The following RYR2 variants were observed in gnomAD, a reference collection of about 807,000 sequenced individuals.
RYR2 encodes the protein ryanodine receptor 2.
A neutral mutation model predicts 601.1 loss-of-function variants in RYR2; 227 were observed. That is an observed-to-expected ratio of 0.38 (90% CI 0.34 to 0.42). The LOEUF is 0.42. Ranked by LOEUF, RYR2 falls within the 10% of genes least tolerant of loss-of-function variation. The pLI is 1.00. For missense variants in RYR2, 4,646 were observed against 6,156.5 expected (o/e 0.75, Z 8.21); for synonymous variants, 2,223 against 2,175.1 (o/e 1.02, Z -0.61).
At chr1:237,384,357 T>G (rs1487728857) in intron 8 of RYR2, among the ~76,000 whole-genome samples, 2 of 152,248 alleles carry the variant, frequency 1.3e-5, no homozygotes, top group East Asian at 3.9e-4. Context: ...GGCGCCAGCC[T>G]TTGTCTGTGG....
In RYR2 at chr1:237,284,607, T is replaced by C. The variant is rs201840148; in HGVS notation, c.168+13991T>C. 8.1e-4 allele frequency among the ~76,000 whole-genome samples: 37 copies of C among 45,862 alleles called. 2 individuals are homozygous for C. The highest frequency in any genetic ancestry group is 6.9e-3 in the African/African-American group (26 of 3,786). The allele number at this position is 45,862 out of a possible 152,430, so 30.1% of individuals were successfully genotyped here. On this transcript the variant is annotated intron_variant, in intron 2 of 104. Coordinates refer to ENST00000366574, the MANE Select transcript of RYR2 (RefSeq NM_001035.3). ...ACCCACACACAGACCCACACACACATACACACCACAGTATGTAGTATATAT... is the reference window on the plus strand; with the variant it reads ...ACCCACACACAGACCCACACACACACACACACCACAGTATGTAGTATATAT...
chr1:237,692,257 G>C (rs1201477866), intron 63 of RYR2, among the ~76,000 whole-genome samples: 1 of 152,164 alleles, frequency 6.6e-6, no homozygotes, highest in East Asian at 1.9e-4. Context: ...AAGATGTGAG[G>C]ATAGGAAAAT....
chr1:237,820,807 G>A (rs576459972), intron 101 of RYR2, among the ~76,000 whole-genome samples: 1 of 150,934 alleles, frequency 6.6e-6, no homozygotes, highest in South Asian at 2.1e-4. Context: ...AGCGGTCTGA[G>A]GTTGACCTGG....
intron 5 of RYR2, 133 bp downstream of exon 5, chr1:237,364,505 C>A: frequency 2.5e-6 from 1 of 394,426 alleles, no homozygotes. Context: ...TACTATATAT[C>A]AGCTATATAT....
intron 1 of RYR2, among the ~76,000 whole-genome samples, chr1:237,136,000 T>A (rs1207425896): frequency 2.0e-5 from 3 of 152,184 alleles, no homozygotes; most frequent in Non-Finnish European, 4.4e-5. Context: ...CATTTCCCAC[T>A]GCTGTTGTGC....
chr1:237,606,666 C>A (rs1270358324), intron 35 of RYR2, among the ~76,000 whole-genome samples: 4 of 151,932 alleles, frequency 2.6e-5, no homozygotes, highest in Admixed American at 2.6e-4. Flanking sequence ...TGCATTTTTG[C>A]AATCTTCTCA....
At chr1:237,710,132 T>C (rs1260355971) in intron 70 of RYR2, among the ~76,000 whole-genome samples, 2 of 152,234 alleles carry the variant, frequency 1.3e-5, no homozygotes, top group Non-Finnish European at 2.9e-5. Context: ...AGTGGAACTA[T>C]GTATTTTTAA....
chr1:237,618,003 TG>T (rs1678662467), intron 38 of RYR2, among the ~76,000 whole-genome samples: 1 of 152,052 alleles, frequency 6.6e-6, no homozygotes, highest in African/African-American at 2.4e-5. Flanking sequence ...ATGGGCTAGT[TG>T]GGGGATGTAA....
chr1:237,165,658 G>A (rs1174857216), intron 1 of RYR2, among the ~76,000 whole-genome samples: 5 of 152,106 alleles, frequency 3.3e-5, no homozygotes, highest in Admixed American at 3.3e-4. Context: ...GAGACCAAGG[G>A]TTCCAGACCA....
intron 3 of RYR2, among the ~76,000 whole-genome samples, chr1:237,338,308 C>G (rs574799250): frequency 8.5e-5 from 13 of 152,268 alleles, no homozygotes; most frequent in African/African-American, 3.1e-4. Flanking sequence ...TATGTACATA[C>G]CAATTTATAG....
chr1:237,762,541 G>C (rs1352408048), intron 84 of RYR2, among the ~76,000 whole-genome samples: 1 of 152,132 alleles, frequency 6.6e-6, no homozygotes, highest in East Asian at 1.9e-4. Flanking sequence ...ATTCTTAGTC[G>C]CTGTTCATAT....
rs61663678 is a variant in RYR2, at chr1:237,154,907, A to G, written c.48+112338A>G. Among the ~76,000 whole-genome samples the G allele has an allele frequency of 3.1e-3, 475 of 152,244 alleles. 21 individuals carry two copies. The East Asian group carries it at 0.079, about 25-fold the overall frequency. ...TAGCAGGCCACCATTCTTGTCAGCA[A>G]TAAAGGTGAAGAATGCCCCATTACA... On this transcript the variant is annotated intron_variant, in intron 1 of 104. Coordinates refer to ENST00000366574, the MANE Select transcript of RYR2 (RefSeq NM_001035.3).
chr1:237,522,324 C>G (rs1427052091), intron 24 of RYR2, among the ~76,000 whole-genome samples: 1 of 152,166 alleles, frequency 6.6e-6, no homozygotes, highest in Non-Finnish European at 1.5e-5. Context: ...ACAAAGAAAT[C>G]TCATAATATT....
intron 3 of RYR2, among the ~76,000 whole-genome samples, chr1:237,333,224 T>A (rs1233379546): frequency 6.6e-6 from 1 of 152,236 alleles, no homozygotes; most frequent in East Asian, 1.9e-4. Context: ...ACACATTGCA[T>A]GAAGCTGAAA....
At position 237,669,842 on chromosome 1, in the gene RYR2, T is replaced by C. The variant is rs572521356; in HGVS notation, c.8590+1884T>C. 1.6e-3 allele frequency among the ~76,000 whole-genome samples: 204 copies of C among 130,496 alleles called. 1 individual carries two copies. Among genetic ancestry groups the C allele is most frequent in the South Asian group, 3.5e-3 (14 of 3,972 alleles). The allele number at this position is 130,496 out of a possible 152,430, so 85.6% of individuals were successfully genotyped here. A position where few individuals can be genotyped will look rare whatever the true frequency, so the allele number is the denominator to read the frequency against. On this transcript the variant is annotated intron_variant, in intron 58 of 104. Transcript: ENST00000366574. Reference sequence around the variant, plus strand: ...GCAGAGGGGCTCCTCACATCCCAGATGATGGGCGGCCAGGCAGAGACGCTC... The same window carrying C: ...GCAGAGGGGCTCCTCACATCCCAGACGATGGGCGGCCAGGCAGAGACGCTC...
chr1:237,733,622 A>T lies in RYR2; in HGVS notation c.11040-83A>T, dbSNP rs73101971. 283 of 856,666 alleles carry T rather than the reference A, an allele frequency of 3.3e-4. 1 individual carries two copies. The African/African-American group carries it at 4.3e-3, about 13-fold the overall frequency. 53.1% of individuals were successfully genotyped at this position (856,666 alleles called of 1,614,324 possible). A position where few individuals can be genotyped will look rare whatever the true frequency, so the allele number is the denominator to read the frequency against. On this transcript the variant is annotated intron_variant, in intron 78 of 104. Transcript: ENST00000366574. ...GGTATACTTGTTAGAAAAAGAACAA[A>T]GGTTATTTTAAGCAGCGATGATACG...
chr1:237,181,141 G>A (rs1047636736), intron 1 of RYR2, among the ~76,000 whole-genome samples: 4 of 151,968 alleles, frequency 2.6e-5, no homozygotes, highest in South Asian at 4.2e-4. Context: ...CTGCCACCAT[G>A]CCCTGCTAAT....
At chr1:237,325,088 C>T (rs890395682) in intron 2 of RYR2, among the ~76,000 whole-genome samples, 1 of 152,138 alleles carries the variant, frequency 6.6e-6, no homozygotes, top group Non-Finnish European at 1.5e-5. Context: ...ATTAGGGCTG[C>T]TGCTGGTGGT....
chr1:237,420,555 T>C (rs1266565808), intron 11 of RYR2, among the ~76,000 whole-genome samples: 3 of 152,148 alleles, frequency 2.0e-5, no homozygotes, highest in Non-Finnish European at 2.9e-5. Flanking sequence ...GGTCTGGGCA[T>C]GTGAGACCAG....
Sources: allele counts gnomAD v4.1 joint callset (sites outside exome capture counted in the v4.1 genomes callset), GRCh38; gene constraint gnomAD v4.1.1; transcripts MANE v1.5; gene names NCBI Gene and HGNC (gene_info 2026-07-23, HGNC 2026-07-21).